Variants in TCERG1L observed in about 807,000 individuals in gnomAD.
TCERG1L encodes the protein transcription elongation regulator 1-like protein.
In TCERG1L, 37 loss-of-function variants were observed where a neutral mutation model predicts 56.3. That is an observed-to-expected ratio of 0.66 (90% CI 0.51 to 0.87). The LOEUF (loss-of-function observed/expected upper bound fraction) is 0.87, where lower values mean the gene tolerates loss of function less well. Among genes scored for constraint, TCERG1L ranks in the 40% least tolerant of loss-of-function variants. TCERG1L has a pLI of 0.00. For synonymous variants in TCERG1L, 324 were observed against 326.3 expected (o/e 0.99, Z 0.08); for missense variants, 799 against 774.2 (o/e 1.03, Z -0.38).
At chr10:131,129,244 A>T (rs983249370) in intron 8 of TCERG1L, among the ~76,000 whole-genome samples, 9 of 152,240 alleles carry the variant, frequency 5.9e-5, no homozygotes, top group Non-Finnish European at 1.2e-4. Context: ...AATTTAAACC[A>T]TGGCTGGAAG....
intron 4 of TCERG1L, among the ~76,000 whole-genome samples, chr10:131,186,600 A>G (rs2133457987): frequency 6.6e-6 from 1 of 152,300 alleles, no homozygotes; most frequent in Middle Eastern, 3.4e-3. Context: ...AGGTTATAGA[A>G]AGAAAAAGAA....
chr10:131,285,538 A>G (rs1223246348), intron 3 of TCERG1L, among the ~76,000 whole-genome samples: 2 of 37,234 alleles, frequency 5.4e-5, no homozygotes, highest in African/African-American at 1.7e-4. Context: ...GAAAGAAAAG[A>G]AAAGAAAGAA....
At chr10:131,158,603 G>T (rs1480714956) in intron 6 of TCERG1L, among the ~76,000 whole-genome samples, 1 of 152,206 alleles carries the variant, frequency 6.6e-6, no homozygotes, top group Non-Finnish European at 1.5e-5. Flanking sequence ...CTTTAGCCCA[G>T]CCTGCTTGGC....
intron 6 of TCERG1L, among the ~76,000 whole-genome samples, chr10:131,157,513 C>CAA (rs907983992): frequency 1.3e-4 from 20 of 151,796 alleles, no homozygotes; most frequent in African/African-American, 4.8e-4. Context: ...ATCAACTCTC[C>CAA]AAAAACATTT....
chr10:131,293,453 T>C (rs909064051), intron 3 of TCERG1L, among the ~76,000 whole-genome samples: 2 of 151,654 alleles, frequency 1.3e-5, no homozygotes, highest in African/African-American at 4.9e-5. Flanking sequence ...CCAAATAACA[T>C]CTCCTACCAG....
At chr10:131,238,861 C>T (rs1845942454) in intron 4 of TCERG1L, among the ~76,000 whole-genome samples, 1 of 152,188 alleles carries the variant, frequency 6.6e-6, no homozygotes, top group Non-Finnish European at 1.5e-5. Context: ...GGAAAAGGTA[C>T]ACCGTGCAGA....
At chr10:131,124,928 T>C (rs1845549225) in intron 8 of TCERG1L, among the ~76,000 whole-genome samples, 1 of 152,212 alleles carries the variant, frequency 6.6e-6, no homozygotes, top group East Asian at 1.9e-4. Flanking sequence ...CCACTTGGGA[T>C]TTGCTTGTAA....
rs75656158 is a variant in TCERG1L at position 131,241,902 on chromosome 10, C to T, written c.856+18357G>A. Among the ~76,000 whole-genome samples the T allele has an allele frequency of 9.2e-5, 14 of 151,654 alleles. No individual in the cohort carries two copies. In the East Asian group the frequency reaches 1.4e-3, roughly 15 times the overall value. On this transcript the variant is annotated intron_variant, in intron 4 of 11. Coordinates refer to ENST00000368642, the MANE Select transcript of TCERG1L (RefSeq NM_174937.4). ...CCGCAGCATTTCTACAGAAAGAAAA[C>T]ACAAGTCACCTGTACAGTAACACAA...
chr10:131,154,901 GCTTC>G (rs749326135), intron 6 of TCERG1L, among the ~76,000 whole-genome samples: 6 of 152,222 alleles, frequency 3.9e-5, no homozygotes, highest in Non-Finnish European at 5.9e-5. Flanking sequence ...TGGCCTCTCC[GCTTC>G]GGGCCGTGGG....
intron 3 of TCERG1L, among the ~76,000 whole-genome samples, chr10:131,278,278 G>A (rs951735411): frequency 2.0e-5 from 3 of 151,874 alleles, no homozygotes; most frequent in Non-Finnish European, 4.4e-5. Flanking sequence ...CACTGGTGAA[G>A]ATGAGACGAG....
At chr10:131,285,406 G>A (rs965361402) in intron 3 of TCERG1L, among the ~76,000 whole-genome samples, 2 of 107,370 alleles carry the variant, frequency 1.9e-5, no homozygotes, top group African/African-American at 3.2e-5. Flanking sequence ...AAGAAAGGAA[G>A]GAAGGAAAGA....
rs549957369 is a variant in TCERG1L at position 131,146,219 on chromosome 10, T to C, written c.1189+287A>G. On this transcript the variant is annotated intron_variant, in intron 7 of 11. Transcript: ENST00000368642. The stretch of plus-strand genomic sequence containing the variant: ...ACAAGAATAAAATGCTGGGTAACAG[T>C]GATGCTGGATGGAAGCTTTGAGGGG... 5.9e-5 allele frequency among the ~76,000 whole-genome samples: 9 copies of C among 152,264 alleles called. No homozygotes were observed. In the South Asian group the frequency reaches 1.7e-3, roughly 28 times the overall value.
At chr10:131,221,306 G>A (rs1845729428) in intron 4 of TCERG1L, among the ~76,000 whole-genome samples, 1 of 152,216 alleles carries the variant, frequency 6.6e-6, no homozygotes, top group African/African-American at 2.4e-5. Context: ...CCGGTGGAGT[G>A]GGAGAGACTC....
chr10:131,134,448 G>A lies in TCERG1L; in HGVS notation c.1190C>T (p.Thr397Ile). The A allele has an allele frequency of 6.3e-7, 1 of 1,588,004 alleles. No homozygotes were observed. Among genetic ancestry groups the A allele is most frequent in the Non-Finnish European group, 8.6e-7 (1 of 1,166,216 alleles). ...PHKRKLEAPA[T>I]DNSDGSSSED... ...AGAACTGGACCCATCGCTGTTGTCA[G>A]CTGAAAGAAAATCAGATGAACAGGG... Residue 397 changes from threonine (T) to isoleucine (I), a missense_variant and splice_region_variant, in exon 8 of 12, where the codon ACT (threonine) becomes ATT (isoleucine). Thr to Ile is a moderately conservative substitution (Grantham distance 89). Transcript: ENST00000368642.
intron 8 of TCERG1L, among the ~76,000 whole-genome samples, chr10:131,117,227 CATGTCTCCTGGG>C (rs2133390433): frequency 6.6e-6 from 1 of 152,324 alleles, no homozygotes; most frequent in Non-Finnish European, 1.5e-5. Flanking sequence ...TGCCAACCGG[CATGTCTCCTGGG>C]CAGGCCCTCA....
Position 131,267,553 on chromosome 10 carries a change from G to A in TCERG1L, c.671-7109C>T, listed in dbSNP as rs202183686. The stretch of plus-strand genomic sequence containing the variant: ...GCCCTTCTCTGCGTCTCCCTCTGCC[G>A]CAGTGGTGGCCCTTGCACAAGTGAA... On this transcript the variant is annotated intron_variant, in intron 3 of 11. Coordinates refer to ENST00000368642, the MANE Select transcript of TCERG1L (RefSeq NM_174937.4). This position sits in a 1 kb window ranked among gnomAD's most constrained non-coding sequence, Gnocchi z 4.9. 5.3e-5 allele frequency among the ~76,000 whole-genome samples: 8 copies of A among 152,308 alleles called. No individual in the cohort carries two copies. Among genetic ancestry groups the A allele is most frequent in the East Asian group, 1.9e-4 (1 of 5,168 alleles).
intron 4 of TCERG1L, among the ~76,000 whole-genome samples, chr10:131,256,942 A>C (rs1036302412): frequency 6.8e-6 from 1 of 147,116 alleles, no homozygotes. Context: ...GGAGGGAGGA[A>C]GAGAAAGAAG....
intron 4 of TCERG1L, among the ~76,000 whole-genome samples, chr10:131,210,428 C>A (rs1456558967): frequency 1.3e-5 from 2 of 152,212 alleles, no homozygotes; most frequent in Non-Finnish European, 2.9e-5. Flanking sequence ...CCAGCTCTGA[C>A]CAATCCACTC....
At chr10:131,192,371 C>T (rs75745217) in intron 4 of TCERG1L, among the ~76,000 whole-genome samples, 8 of 142,978 alleles carry the variant, frequency 5.6e-5, no homozygotes, top group Admixed American at 2.8e-4. Flanking sequence ...AGTCAGAAAA[C>T]GATAGATATG....
Sources: allele counts gnomAD v4.1 joint callset (sites outside exome capture counted in the v4.1 genomes callset), GRCh38; gene constraint gnomAD v4.1.1; non-coding constraint Gnocchi (gnomAD v3.1); transcripts MANE v1.5; gene names NCBI Gene and HGNC (gene_info 2026-07-23, HGNC 2026-07-21).